The following LRRC4C variants were observed in gnomAD, a reference collection of about 807,000 sequenced individuals.
The protein encoded by LRRC4C is leucine rich repeat containing 4C.
LRRC4C carries 5 observed loss-of-function variants against 33.6 expected under a neutral mutation model. That is an observed-to-expected ratio of 0.15 (90% CI 0.08 to 0.31). The LOEUF is 0.31. Among genes scored for constraint, LRRC4C ranks in the 10% least tolerant of loss-of-function variants. LRRC4C has a pLI of 1.00. For synonymous variants in LRRC4C, 329 were observed against 302.0 expected (o/e 1.09, Z -0.93); for missense variants, 560 against 796.7 (o/e 0.70, Z 3.58).
At chr11:41,456,170 T>C (rs1192574897) in intron 1 of LRRC4C, among the ~76,000 whole-genome samples, 1 of 152,182 alleles carries the variant, frequency 6.6e-6, no homozygotes, top group Non-Finnish European at 1.5e-5. Context: ...CATTTTCTGT[T>C]GTAGGCTGAT....
At chr11:40,724,233 C>G (rs1350703078) in intron 2 of LRRC4C, among the ~76,000 whole-genome samples, 2 of 152,152 alleles carry the variant, frequency 1.3e-5, no homozygotes, top group East Asian at 3.8e-4. Context: ...ATTCTGGACT[C>G]TATTTGACAC....
At chr11:40,726,272 AG>A (rs1947289114) in intron 2 of LRRC4C, among the ~76,000 whole-genome samples, 1 of 152,136 alleles carries the variant, frequency 6.6e-6, no homozygotes, top group South Asian at 2.1e-4. Context: ...AGAAAAATCA[AG>A]GAGGATGGAT....
intron 1 of LRRC4C, among the ~76,000 whole-genome samples, chr11:41,132,639 G>T (rs893516692): frequency 3.3e-5 from 5 of 151,994 alleles, no homozygotes; most frequent in African/African-American, 1.2e-4. Context: ...AAGCAATTGT[G>T]GGTGGTTTGT....
intron 3 of LRRC4C, among the ~76,000 whole-genome samples, chr11:40,630,346 T>TCTC (rs1414434589): frequency 5.4e-5 from 2 of 36,736 alleles, no homozygotes; most frequent in Non-Finnish European, 1.6e-4. Flanking sequence ...TTCTTCTTCT[T>TCTC]CTTCTTCTTC....
At chr11:40,296,969 T>A (rs1262567708) in intron 4 of LRRC4C, among the ~76,000 whole-genome samples, 1 of 152,196 alleles carries the variant, frequency 6.6e-6, no homozygotes, top group Non-Finnish European at 1.5e-5. Flanking sequence ...TCTACGGACA[T>A]GCAGATTTCT....
intron 1 of LRRC4C, among the ~76,000 whole-genome samples, chr11:41,058,828 C>T (rs1017660952): frequency 2.0e-5 from 3 of 152,050 alleles, no homozygotes; most frequent in Admixed American, 6.5e-5. Context: ...CAATGGTAGA[C>T]TGGATAAAGA....
intron 1 of LRRC4C, among the ~76,000 whole-genome samples, chr11:41,152,143 T>C (rs1057077966): frequency 1.3e-5 from 2 of 152,158 alleles, no homozygotes; most frequent in African/African-American, 4.8e-5. Context: ...CATATGTAGT[T>C]AAAGAATGCT....
At chr11:41,023,940 A>T (rs1856160347) in intron 1 of LRRC4C, among the ~76,000 whole-genome samples, 1 of 151,914 alleles carries the variant, frequency 6.6e-6, no homozygotes, top group Non-Finnish European at 1.5e-5. Context: ...TGGAATATTC[A>T]TCATTTATCT....
At chr11:40,146,214 CT>C (rs979038475) in intron 5 of LRRC4C, among the ~76,000 whole-genome samples, 31 of 152,124 alleles carry the variant, frequency 2.0e-4, no homozygotes, top group Non-Finnish European at 3.5e-4. Flanking sequence ...CTTATCCCAT[CT>C]TTTTTCACAA....
intron 3 of LRRC4C, among the ~76,000 whole-genome samples, chr11:40,498,444 ACTT>A (rs1157389707): frequency 6.6e-6 from 1 of 152,196 alleles, no homozygotes; most frequent in Non-Finnish European, 1.5e-5. Flanking sequence ...ATATAGGTTT[ACTT>A]CTTCTCCAAA....
At chr11:41,096,015 A>G (rs1220455693) in intron 1 of LRRC4C, among the ~76,000 whole-genome samples, 1 of 152,174 alleles carries the variant, frequency 6.6e-6, no homozygotes, top group Admixed American at 6.5e-5. Context: ...AGTATTAAGT[A>G]TTATAGATAA....
chr11:41,075,060 T>TAA (rs71060996), intron 1 of LRRC4C, among the ~76,000 whole-genome samples: 1 of 80,600 alleles, frequency 1.2e-5, no homozygotes, highest in Admixed American at 1.2e-4. Context: ...TTTTTTTTTT[T>TAA]TTATTATACT....
At chr11:40,458,605 A>G (rs898581729) in intron 3 of LRRC4C, among the ~76,000 whole-genome samples, 1 of 152,122 alleles carries the variant, frequency 6.6e-6, no homozygotes, top group Non-Finnish European at 1.5e-5. Context: ...TGGTTTTCCC[A>G]TCATTCTCAG....
chr11:40,984,366 A>AG (rs140399524), intron 1 of LRRC4C, among the ~76,000 whole-genome samples: 5 of 39,172 alleles, frequency 1.3e-4, no homozygotes, highest in Non-Finnish European at 1.5e-4. Context: ...GAAAGAAAAA[A>AG]GAAAGAAAGA....
intron 3 of LRRC4C, among the ~76,000 whole-genome samples, chr11:40,339,379 A>G (rs1463584110): frequency 2.0e-5 from 3 of 152,262 alleles, no homozygotes; most frequent in Admixed American, 6.5e-5. Flanking sequence ...TGCTTAATGT[A>G]TATAAGCCTG....
chr11:41,093,810 G>A (rs1204874886), intron 1 of LRRC4C, among the ~76,000 whole-genome samples: 3 of 151,776 alleles, frequency 2.0e-5, no homozygotes, highest in South Asian at 2.1e-4. Flanking sequence ...GTAACAGACC[G>A]GCCGGGCCCG....
intron 2 of LRRC4C, among the ~76,000 whole-genome samples, chr11:40,706,637 G>A (rs749080175): frequency 1.3e-5 from 2 of 152,166 alleles, no homozygotes; most frequent in Non-Finnish European, 2.9e-5. Flanking sequence ...TTGAAGTCAG[G>A]TAGCCTGATG....
intron 1 of LRRC4C, among the ~76,000 whole-genome samples, chr11:41,282,614 C>G (rs532023202): frequency 6.6e-6 from 1 of 152,046 alleles, no homozygotes; most frequent in Non-Finnish European, 1.5e-5. Context: ...GATGTCTGCC[C>G]GGGGTGTGGA....
At chr11:40,615,257 TATATATATACAC>T (rs1410558943) in intron 3 of LRRC4C, among the ~76,000 whole-genome samples, 2 of 137,484 alleles carry the variant, frequency 1.5e-5, no homozygotes, top group African/African-American at 2.8e-5. Flanking sequence ...TATATATATA[TATATATATACAC>T]ACACACACAC....
Sources: allele counts gnomAD v4.1 joint callset (sites outside exome capture counted in the v4.1 genomes callset), GRCh38; gene constraint gnomAD v4.1.1; transcripts MANE v1.5; gene names NCBI Gene and HGNC (gene_info 2026-07-23, HGNC 2026-07-21).